Variants in MAP2K1 observed in about 807,000 individuals in gnomAD.
MAP2K1 encodes mitogen-activated protein kinase kinase 1.
A neutral mutation model predicts 46.3 loss-of-function variants in MAP2K1; 16 were observed. The observed-to-expected ratio is 0.35, with a 90% CI of 0.23 to 0.52. The LOEUF (loss-of-function observed/expected upper bound fraction) is 0.52, where lower values mean the gene tolerates loss of function less well. MAP2K1 is among the 20% of genes least tolerant of loss of function. MAP2K1 has a pLI of 0.94. For synonymous variants in MAP2K1, 183 were observed against 185.6 expected (o/e 0.99, Z 0.11); for missense variants, 263 against 497.1 (o/e 0.53, Z 4.48).
At chr15:66,482,274 GCAT>G (rs1892931801) in intron 6 of MAP2K1, among the ~76,000 whole-genome samples, 1 of 152,164 alleles carries the variant, frequency 6.6e-6, no homozygotes, top group Non-Finnish European at 1.5e-5. Context: ...TAAATAGACA[GCAT>G]CATCTCCCTG....
At chr15:66,397,499 A>C (rs924837345) in intron 1 of MAP2K1, among the ~76,000 whole-genome samples, 3 of 152,190 alleles carry the variant, frequency 2.0e-5, no homozygotes, top group Admixed American at 6.5e-5. Context: ...CTTTATGATC[A>C]CTGGAATGCT....
intron 1 of MAP2K1, among the ~76,000 whole-genome samples, chr15:66,390,880 A>G (rs561594109): frequency 7.2e-5 from 11 of 152,074 alleles, no homozygotes; most frequent in African/African-American, 2.7e-4. Flanking sequence ...GGGATGGTCT[A>G]TACGCACTGC....
chr15:66,419,999 CT>C (rs2093433814), intron 1 of MAP2K1, among the ~76,000 whole-genome samples: 1 of 151,990 alleles, frequency 6.6e-6, no homozygotes, highest in Admixed American at 6.6e-5. Context: ...AGTCCCAGCA[CT>C]TTGGGAGGTG....
At chr15:66,440,191 A>C (rs2093500014) in intron 3 of MAP2K1, among the ~76,000 whole-genome samples, 1 of 152,148 alleles carries the variant, frequency 6.6e-6, no homozygotes, top group East Asian at 1.9e-4. Context: ...TCCTGGGCCC[A>C]AGTGATCTTC....
At chr15:66,418,803 C>T (rs1482239298) in intron 1 of MAP2K1, among the ~76,000 whole-genome samples, 2 of 151,962 alleles carry the variant, frequency 1.3e-5, no homozygotes, top group Non-Finnish European at 2.9e-5. Context: ...CCCGCCACCA[C>T]GCCTGGCTAA....
chr15:66,425,736 C>G (rs2093456460), intron 1 of MAP2K1, among the ~76,000 whole-genome samples: 1 of 152,220 alleles, frequency 6.6e-6, no homozygotes, highest in African/African-American at 2.4e-5. Flanking sequence ...GAGAAAGCCA[C>G]TCGTGGGTTT....
chr15:66,442,321 A>G (rs562029526), intron 3 of MAP2K1, among the ~76,000 whole-genome samples: 4 of 152,322 alleles, frequency 2.6e-5, no homozygotes, highest in Non-Finnish European at 4.4e-5. Flanking sequence ...ATGCACCAAC[A>G]GTGAAATGAC....
intron 5 of MAP2K1, among the ~76,000 whole-genome samples, chr15:66,462,595 A>T (rs1892353798): frequency 7.6e-6 from 1 of 131,740 alleles, no homozygotes; most frequent in African/African-American, 3.0e-5. Flanking sequence ...GAATATTTAG[A>T]TTTTTCTGAA....
chr15:66,420,752 T>TGCGC (rs2093436779), intron 1 of MAP2K1, among the ~76,000 whole-genome samples: 1 of 52,238 alleles, frequency 1.9e-5, no homozygotes, highest in African/African-American at 5.5e-5. Flanking sequence ...TGTGTGTGTG[T>TGCGC]GTGTGTGTAT....
At chr15:66,411,359 A>C (rs74019599) in intron 1 of MAP2K1, among the ~76,000 whole-genome samples, 1 of 152,202 alleles carries the variant, frequency 6.6e-6, no homozygotes, top group African/African-American at 2.4e-5. Flanking sequence ...AGAATAGCCC[A>C]GGCAGTTCCC....
chr15:66,485,287 C>T, intron 7 of MAP2K1, 96 bp downstream of exon 7: 1 of 1,177,136 alleles, frequency 8.5e-7, no homozygotes, highest in Non-Finnish European at 1.2e-6. Flanking sequence ...TACATTCTGC[C>T]AAGACTGATT....
chr15:66,431,268 C>A (rs955850280), intron 1 of MAP2K1, among the ~76,000 whole-genome samples: 7 of 152,166 alleles, frequency 4.6e-5, no homozygotes, highest in Admixed American at 1.3e-4. Flanking sequence ...TGTCTTATAT[C>A]CTTTGCTTAA....
rs1464431466 is a variant in MAP2K1 at position 66,487,269 on chromosome 15, T to C, written c.937T>C (p.Leu313=). The stretch of plus-strand genomic sequence containing the variant: ...CCGACCTCCCATGGCAATTTTTGAG[T>C]TGTTGGATTACATAGTCAACGAGGT... ...DSRPPMAIFE[L]LDYIVNEPPP... Residue 313 remains leucine, a synonymous_variant, in exon 8 of 11, where the codon TTG becomes CTG. Transcript: ENST00000307102. 1.2e-6 allele frequency: 2 copies of C among 1,613,982 alleles called. No homozygotes were observed. The highest frequency in any genetic ancestry group is 3.3e-5 in the Admixed American group (2 of 59,996).
Position 66,473,709 on chromosome 15 carries a change from G to T in MAP2K1, c.569-8046G>T, listed in dbSNP as rs974252053. ...TTTTTCTTTTTTGAGACAAAGTCTC[G>T]CTCTGTCACCCAGGCTGGAGTGCAG... On this transcript the variant is annotated intron_variant, in intron 5 of 10. Transcript: ENST00000307102. Among the ~76,000 whole-genome samples, 3 of 151,918 alleles carry T rather than the reference G, an allele frequency of 2.0e-5. No homozygotes were observed. The South Asian group carries it at 6.2e-4, about 32-fold the overall frequency.
At chr15:66,456,365 T>C (rs1210905098) in intron 5 of MAP2K1, among the ~76,000 whole-genome samples, 1 of 152,210 alleles carries the variant, frequency 6.6e-6, no homozygotes, top group Non-Finnish European at 1.5e-5. Context: ...TTAGTCAGAA[T>C]TCTTTGGTGT....
At chr15:66,486,312 A>G (rs1263037937) in intron 7 of MAP2K1, among the ~76,000 whole-genome samples, 1 of 152,172 alleles carries the variant, frequency 6.6e-6, no homozygotes, top group Admixed American at 6.5e-5. Flanking sequence ...GTATTGTTCC[A>G]TGTTGTGCAG....
At chr15:66,489,956 C>T (rs1184145185) in intron 10 of MAP2K1, 193 bp downstream of exon 10, 6 of 660,104 alleles carry the variant, frequency 9.1e-6, no homozygotes, top group Non-Finnish European at 1.6e-5. Context: ...GGGGTGACCC[C>T]CGCAGCCTGA....
intron 1 of MAP2K1, among the ~76,000 whole-genome samples, chr15:66,397,623 T>C (rs1309650900): frequency 1.3e-5 from 2 of 152,264 alleles, no homozygotes; most frequent in African/African-American, 4.8e-5. Context: ...CATGTTGATT[T>C]AGATATTTCA....
At position 66,446,677 on chromosome 15, in the gene MAP2K1, C is replaced by T. The variant is rs563216079; in HGVS notation, c.568+1970C>T. ...GCCCAAATAGAATTCTGTTTCATCTCGGGCATAAACACTTTCAATTTTAGG... is the reference window on the plus strand; with the variant it reads ...GCCCAAATAGAATTCTGTTTCATCTTGGGCATAAACACTTTCAATTTTAGG... On this transcript the variant is annotated intron_variant, in intron 5 of 10. Transcript: ENST00000307102. 105 of 397,888 alleles carry T rather than the reference C, an allele frequency of 2.6e-4. 2 individuals carry two copies. Among genetic ancestry groups the T allele is most frequent in the South Asian group, 2.0e-3 (96 of 49,002 alleles). 24.6% of individuals were successfully genotyped at this position (397,888 alleles called of 1,614,324 possible).
Sources: allele counts gnomAD v4.1 joint callset (sites outside exome capture counted in the v4.1 genomes callset), GRCh38; gene constraint gnomAD v4.1.1; transcripts MANE v1.5; gene names NCBI Gene and HGNC (gene_info 2026-07-23, HGNC 2026-07-21).